PDE1C: variants seen among roughly 807,000 people sequenced by gnomAD.
The protein encoded by PDE1C is dual specificity calcium/calmodulin-dependent 3',5'-cyclic nucleotide phosphodiesterase 1C.
In PDE1C, 62 loss-of-function variants were observed where a neutral mutation model predicts 93.1. The observed-to-expected ratio is 0.67, with a 90% CI of 0.54 to 0.82. The LOEUF (loss-of-function observed/expected upper bound fraction) is 0.82. Among genes scored for constraint, PDE1C ranks in the 40% least tolerant of loss-of-function variants. The pLI, the probability that PDE1C is intolerant of heterozygous loss-of-function variation, is 0.00. For synonymous variants in PDE1C, 325 were observed against 310.1 expected (o/e 1.05, Z -0.50); for missense variants, 742 against 884.6 (o/e 0.84, Z 2.04).
intron 8 of PDE1C, among the ~76,000 whole-genome samples, chr7:31,850,322 C>T (rs933792329): frequency 2.0e-5 from 3 of 152,062 alleles, no homozygotes; most frequent in Admixed American, 6.6e-5. Context: ...TGGGCCTTTA[C>T]GTAAACTGCC....
chr7:31,935,052 G>A (rs1804845938), intron 2 of PDE1C, among the ~76,000 whole-genome samples: 1 of 120,004 alleles, frequency 8.3e-6, no homozygotes, highest in South Asian at 2.4e-4. Flanking sequence ...TTAACAAATT[G>A]TTTTTATCTT....
At chr7:31,850,829 C>G (rs1004501767) in intron 7 of PDE1C, 88 bp from the exon 8 acceptor site, 1 of 902,092 alleles carries the variant, frequency 1.1e-6, no homozygotes, top group Non-Finnish European at 1.9e-6. Flanking sequence ...TGCTGCCTTT[C>G]TACCCTGCAG....
intron 13 of PDE1C, among the ~76,000 whole-genome samples, chr7:31,824,372 AC>A (rs1197511556): frequency 4.6e-5 from 7 of 152,142 alleles, no homozygotes; most frequent in African/African-American, 1.7e-4. Flanking sequence ...CTGCGATTGC[AC>A]AGCTAGTAAG....
rs751320538 is a variant in PDE1C, at chr7:31,841,227, C to CTCTCTCTCTCTATATA, written c.981-3257_981-3256insTATATAGAGAGAGAGA. Among the ~76,000 whole-genome samples, 71 of 142,286 alleles carry CTCTCTCTCTCTATATA rather than the reference C, an allele frequency of 5.0e-4. 1 individual carries two copies. Among genetic ancestry groups the CTCTCTCTCTCTATATA allele is most frequent in the African/African-American group, 1.3e-3 (48 of 37,944 alleles). 93.3% of individuals were successfully genotyped at this position (142,286 alleles called of 152,430 possible). A position where few individuals can be genotyped will look rare whatever the true frequency, so the allele number is the denominator to read the frequency against. ...TCTCTCTGTCTCTCTCTCTCTCTCT[C>CTCTCTCTCTCTATATA]TATATATATATATATATGTATATGT... On this transcript the variant is annotated intron_variant, in intron 9 of 17. Coordinates refer to ENST00000396191, the MANE Select transcript of PDE1C (RefSeq NM_001191057.4).
the PDE1C span, among the ~76,000 whole-genome samples, chr7:31,632,913 A>G: frequency 1.3e-5 from 2 of 151,642 alleles, no homozygotes; most frequent in African/African-American, 4.9e-5. Flanking sequence ...TTTGAGACAG[A>G]GTCTCACTCT....
the PDE1C span, among the ~76,000 whole-genome samples, chr7:31,732,636 T>TTGTGTGTGTGTGTGTG: frequency 1.6e-3 from 163 of 103,196 alleles, 5 homozygotes; most frequent in African/African-American, 4.9e-3. Context: ...TCTCCTCTCT[T>TTGTGTGTGTGTGTGTG]TCTGTGTGTG....
chr7:32,322,557 TCA>T (rs1783316437), intron 1 of PDE1C, among the ~76,000 whole-genome samples: 1 of 151,958 alleles, frequency 6.6e-6, no homozygotes, highest in South Asian at 2.1e-4. Context: ...TAAGCTATGA[TCA>T]CACCGCTGCA....
chr7:31,904,405 A>G (rs1800342716), intron 2 of PDE1C, among the ~76,000 whole-genome samples: 1 of 152,140 alleles, frequency 6.6e-6, no homozygotes, highest in South Asian at 2.1e-4. Context: ...TCTTAGATTT[A>G]GAGTCCTAAA....
intron 2 of PDE1C, among the ~76,000 whole-genome samples, chr7:31,974,553 CCT>C (rs1811390466): frequency 6.6e-6 from 1 of 152,054 alleles, no homozygotes; most frequent in African/African-American, 2.4e-5. Context: ...TGACGTTTAC[CCT>C]GAGACTGGAG....
chr7:31,800,425 TGTATA>T (rs901626816), intron 16 of PDE1C, among the ~76,000 whole-genome samples: 1 of 151,630 alleles, frequency 6.6e-6, no homozygotes, highest in African/African-American at 2.4e-5. Flanking sequence ...TTGTATGTGA[TGTATA>T]GTTAGAAATT....
In PDE1C at chr7:31,869,224, A is replaced by T. The variant is rs376526796; in HGVS notation, c.609+4068T>A. 6.6e-5 allele frequency among the ~76,000 whole-genome samples: 10 copies of T among 152,226 alleles called. No homozygotes were observed. In the East Asian group the frequency reaches 1.7e-3, roughly 26 times the overall value. On this transcript the variant is annotated intron_variant, in intron 6 of 17. Transcript: ENST00000396191. ...AATGTAAGAAAGGACATACAACACA[A>T]TCTGAAATTAATTAATAAAATGACT...
At chr7:31,918,778 TAAA>T (rs754553814) in intron 2 of PDE1C, among the ~76,000 whole-genome samples, 24 of 152,206 alleles carry the variant, frequency 1.6e-4, no homozygotes, top group Non-Finnish European at 3.2e-4. Flanking sequence ...TGCTGTCACA[TAAA>T]ACGGTTTCAT....
chr7:32,270,329 T>TG (rs1214530797), intron 1 of PDE1C, among the ~76,000 whole-genome samples: 1 of 151,852 alleles, frequency 6.6e-6, no homozygotes, highest in Non-Finnish European at 1.5e-5. Context: ...CAAGTAGCAC[T>TG]GGGTGATATA....
intron 3 of PDE1C, among the ~76,000 whole-genome samples, chr7:32,133,565 G>C (rs1800040915): frequency 1.3e-5 from 2 of 152,228 alleles, no homozygotes; most frequent in South Asian, 2.1e-4. Context: ...CAAATGTCTG[G>C]ATGACCCCTT....
chr7:32,366,700 C>T (rs918251502), intron 1 of PDE1C, among the ~76,000 whole-genome samples: 12 of 151,924 alleles, frequency 7.9e-5, no homozygotes, highest in African/African-American at 2.7e-4. Flanking sequence ...AAGGGAATTC[C>T]CATTAGTCTA....
intron 1 of PDE1C, among the ~76,000 whole-genome samples, chr7:32,254,289 G>A (rs887998704): frequency 6.6e-6 from 1 of 152,170 alleles, no homozygotes; most frequent in Non-Finnish European, 1.5e-5. Context: ...TTATGCAGGT[G>A]AGGACCAAGG....
chr7:32,422,109 C>A (rs979681114), intron 1 of PDE1C, among the ~76,000 whole-genome samples: 4 of 152,136 alleles, frequency 2.6e-5, no homozygotes, highest in African/African-American at 7.2e-5. Flanking sequence ...CCCACAGGGG[C>A]CCCACACTTG....
At chr7:31,943,436 C>T (rs1191109390) in intron 2 of PDE1C, among the ~76,000 whole-genome samples, 1 of 152,094 alleles carries the variant, frequency 6.6e-6, no homozygotes, top group Non-Finnish European at 1.5e-5. Context: ...AAAAAGATAT[C>T]CTGATTGTTG....
At chr7:32,191,536 C>G (rs538621301) in intron 2 of PDE1C, among the ~76,000 whole-genome samples, 18 of 148,576 alleles carry the variant, frequency 1.2e-4, no homozygotes, top group African/African-American at 4.5e-4. Flanking sequence ...TCTGAAGAGT[C>G]ATCCAGGTTG....
Sources: gnomAD v4.1 joint callset for allele counts (sites outside exome capture counted in the v4.1 genomes callset) on GRCh38, gnomAD v4.1.1 for gene constraint, MANE v1.5 for transcripts, NCBI Gene and HGNC (gene_info 2026-07-23, HGNC 2026-07-21) for gene names.